Variants in CSPP1 observed in about 807,000 individuals in gnomAD.
CSPP1 encodes centrosome and spindle pole-associated protein 1.
CSPP1 carries 126 observed loss-of-function variants against 164.4 expected under a neutral mutation model. That is an observed-to-expected ratio of 0.77 (90% CI 0.66 to 0.89). The LOEUF is 0.89. Among genes scored for constraint, CSPP1 ranks in the 40% least tolerant of loss-of-function variants. The probability of loss-of-function intolerance (pLI) is 0.00; values close to 1 mark genes in which losing one functional copy is unlikely to be tolerated. For synonymous variants in CSPP1, 472 were observed against 476.7 expected (o/e 0.99, Z 0.13); for missense variants, 1,395 against 1,449.8 (o/e 0.96, Z 0.61).
At chr8:67,104,966 ATTTT>A (rs1166551719) in intron 8 of CSPP1, among the ~76,000 whole-genome samples, 10 of 60,730 alleles carry the variant, frequency 1.6e-4, no homozygotes, top group South Asian at 6.3e-4. Flanking sequence ...ATATATATAT[ATTTT>A]TTTTTTTTTT....
intron 5 of CSPP1, among the ~76,000 whole-genome samples, chr8:67,093,145 G>A (rs192238415): frequency 1.2e-3 from 177 of 152,324 alleles, no homozygotes; most frequent in African/African-American, 4.0e-3. Flanking sequence ...TAGGATTGCT[G>A]TTGGGAATCA....
At chr8:67,159,218 G>A in intron 21 of CSPP1, 81 bp downstream of exon 21, 2 of 1,299,410 alleles carry the variant, frequency 1.5e-6, no homozygotes, top group Non-Finnish European at 2.1e-6. Context: ...GTTAGAAAAG[G>A]GGAGAAAGAG....
In CSPP1 at chr8:67,154,189, A is replaced by G. The variant is rs1477286992; in HGVS notation, c.2241+53A>G. ...GTTTCATGAGATTTTAATAAACAAAACTTGCAAAGATTTTCTCCAGGATAA... is the reference window on the plus strand; with the variant it reads ...GTTTCATGAGATTTTAATAAACAAAGCTTGCAAAGATTTTCTCCAGGATAA... On this transcript the variant is annotated intron_variant, in intron 19 of 30. Coordinates refer to ENST00000678616, the MANE Select transcript of CSPP1 (RefSeq NM_001382391.1). 16 of 873,584 alleles carry G rather than the reference A, an allele frequency of 1.8e-5. No homozygotes were observed. In the Admixed American group the frequency reaches 3.3e-4, roughly 18 times the overall value. The allele number at this position is 873,584 out of a possible 1,614,324, so 54.1% of individuals were successfully genotyped here.
intron 28 of CSPP1, among the ~76,000 whole-genome samples, chr8:67,186,254 T>C (rs1173998060): frequency 4.6e-5 from 7 of 152,214 alleles, no homozygotes; most frequent in African/African-American, 1.7e-4. Context: ...CAAGAATGTG[T>C]TGTCCAAAAT....
intron 15 of CSPP1, among the ~76,000 whole-genome samples, chr8:67,120,499 T>C (rs1438090243): frequency 6.6e-6 from 1 of 152,218 alleles, no homozygotes; most frequent in East Asian, 1.9e-4. Flanking sequence ...GAACATAAGA[T>C]ATATGTCCAT....
At chr8:67,084,696 G>A (rs1810018428) in intron 3 of CSPP1, among the ~76,000 whole-genome samples, 1 of 150,970 alleles carries the variant, frequency 6.6e-6, no homozygotes, top group African/African-American at 2.4e-5. Flanking sequence ...CCATGATCAC[G>A]CCACTGCACT....
intron 8 of CSPP1, among the ~76,000 whole-genome samples, chr8:67,104,920 A>C (rs1270754701): frequency 7.2e-6 from 1 of 138,584 alleles, no homozygotes; most frequent in Non-Finnish European, 1.5e-5. Context: ...GATTACAGGC[A>C]TGAGCCACTG....
At chr8:67,130,519 T>G (rs1221272542) in intron 15 of CSPP1, among the ~76,000 whole-genome samples, 1 of 152,238 alleles carries the variant, frequency 6.6e-6, no homozygotes, top group Non-Finnish European at 1.5e-5. Context: ...AGGAACTATT[T>G]GATCTAGTTT....
intron 29 of CSPP1, among the ~76,000 whole-genome samples, chr8:67,191,399 G>C (rs772022298): frequency 5.3e-5 from 8 of 152,222 alleles, no homozygotes; most frequent in Non-Finnish European, 7.3e-5. Flanking sequence ...AACAGATGTT[G>C]CTATTAGCGT....
chr8:67,088,060 C>G (rs1810766199), intron 4 of CSPP1, among the ~76,000 whole-genome samples: 1 of 152,130 alleles, frequency 6.6e-6, no homozygotes, highest in Non-Finnish European at 1.5e-5. Context: ...AGCCTGACTC[C>G]CTGGGCTTAT....
At chr8:67,182,853 A>G (rs953985185) in intron 28 of CSPP1, among the ~76,000 whole-genome samples, 1 of 152,050 alleles carries the variant, frequency 6.6e-6, no homozygotes, top group Non-Finnish European at 1.5e-5. Flanking sequence ...GAGTTGTGGG[A>G]GTTCTTTATT....
chr8:67,069,414 T>C (rs1317515693), intron 1 of CSPP1, among the ~76,000 whole-genome samples: 1 of 152,224 alleles, frequency 6.6e-6, no homozygotes, highest in Non-Finnish European at 1.5e-5. Context: ...TTTGTACTTT[T>C]GATTACTGTA....
chr8:67,166,022 G>A (rs1829245213), intron 24 of CSPP1, among the ~76,000 whole-genome samples: 1 of 150,990 alleles, frequency 6.6e-6, no homozygotes, highest in Admixed American at 6.6e-5. Flanking sequence ...TATACTTTGG[G>A]TTATAAGCCA....
chr8:67,186,292 CCA>C (rs1834549400), intron 28 of CSPP1, among the ~76,000 whole-genome samples: 2 of 151,972 alleles, frequency 1.3e-5, no homozygotes, highest in Non-Finnish European at 2.9e-5. Flanking sequence ...AGATGCAACT[CCA>C]CCCTTTGCTT....
At chr8:67,155,922 T>C (rs1438625575) in intron 19 of CSPP1, among the ~76,000 whole-genome samples, 2 of 152,090 alleles carry the variant, frequency 1.3e-5, no homozygotes, top group Non-Finnish European at 1.5e-5. Context: ...AATATAGATA[T>C]TAAATGTGAG....
intron 16 of CSPP1, 133 bp from the exon 17 acceptor site, chr8:67,137,323 G>A: frequency 1.7e-6 from 1 of 577,598 alleles, no homozygotes; most frequent in Non-Finnish European, 2.9e-6. Context: ...TTGTAGGGGG[G>A]TACACTGGGG....
intron 29 of CSPP1, 21 bp from the exon 30 acceptor site, chr8:67,193,443 A>G (rs1836985734): frequency 1.2e-6 from 2 of 1,604,084 alleles, no homozygotes; most frequent in Non-Finnish European, 8.5e-7. Flanking sequence ...GACTTTCTGA[A>G]GTTCTGTTTT....
Position 67,149,796 on chromosome 8 carries a change from G to A in CSPP1, c.1989G>A (p.Arg663=), listed in dbSNP as rs370838505. ...TTTTCCTCTCAGCTGATTTGAATAG[G>A]ATGCACAGACAAAATATAGATGCCT... The part of the protein sequence containing the change: ...AKGNLITDLN[R]MHRQNIDAYH... Residue 663 remains arginine, a synonymous_variant, in exon 18 of 31, where the codon AGG becomes AGA. Coordinates refer to ENST00000678616, the MANE Select transcript of CSPP1 (RefSeq NM_001382391.1). 2.7e-5 allele frequency: 42 copies of A among 1,579,572 alleles called. No homozygotes were observed. Among genetic ancestry groups the A allele is most frequent in the Middle Eastern group, 1.7e-4 (1 of 5,916 alleles).
chr8:67,136,061 T>C (rs1431420889), intron 16 of CSPP1: 1 of 152,176 alleles, frequency 6.6e-6, no homozygotes, highest in Non-Finnish European at 1.5e-5. Context: ...TATGTGTGTG[T>C]GATTCATGGC....
Sources: gnomAD v4.1 joint callset for allele counts (sites outside exome capture counted in the v4.1 genomes callset) on GRCh38, gnomAD v4.1.1 for gene constraint, MANE v1.5 for transcripts, NCBI Gene and HGNC (gene_info 2026-07-23, HGNC 2026-07-21) for gene names.